The following ETS1 variants were observed in gnomAD, a reference collection of about 807,000 sequenced individuals.
ETS1 encodes the protein protein C-ets-1.
A neutral mutation model predicts 58.6 loss-of-function variants in ETS1; 15 were observed. The observed-to-expected ratio is 0.26, with a 90% CI of 0.17 to 0.39. The LOEUF (loss-of-function observed/expected upper bound fraction) is 0.39, where lower values mean the gene tolerates loss of function less well. Among genes scored for constraint, ETS1 ranks in the 10% least tolerant of loss-of-function variants. The pLI, the probability that ETS1 is intolerant of heterozygous loss-of-function variation, is 1.00. For synonymous variants in ETS1, 214 were observed against 218.2 expected (o/e 0.98, Z 0.17); for missense variants, 417 against 610.5 (o/e 0.68, Z 3.34).
intron 1 of ETS1, among the ~76,000 whole-genome samples, chr11:128,582,648 A>G (rs978005785): frequency 1.8e-4 from 28 of 152,180 alleles, no homozygotes; most frequent in Non-Finnish European, 3.7e-4. Flanking sequence ...TCATAATCAT[A>G]GGTTGAGTAG....
rs1864244169 is a variant in ETS1, at chr11:128,552,407, C to T, written c.214+3884G>A. 1.3e-5 allele frequency among the ~76,000 whole-genome samples: 2 copies of T among 152,158 alleles called. 1 individual carries two copies. The highest frequency in any genetic ancestry group is 4.1e-4 in the South Asian group (2 of 4,828). On this transcript the variant is annotated intron_variant, in intron 3 of 9. Transcript: ENST00000392668. The stretch of plus-strand genomic sequence containing the variant: ...GTATTGTCTTGTTTCTCAAATCAAT[C>T]AAAGACCATGGTAATAAGACTATAG...
intron 3 of ETS1, among the ~76,000 whole-genome samples, chr11:128,493,712 A>T (rs1305508505): frequency 6.6e-6 from 1 of 152,226 alleles, no homozygotes; most frequent in African/African-American, 2.4e-5. Context: ...TTAAAAAGAA[A>T]AAAAAAGTCA....
intron 3 of ETS1, among the ~76,000 whole-genome samples, chr11:128,552,002 A>C (rs907977335): frequency 6.6e-6 from 1 of 152,148 alleles, no homozygotes; most frequent in African/African-American, 2.4e-5. Context: ...GTGTCTTAAC[A>C]AACCCTAAAG....
At chr11:128,479,876 T>C (rs1437318432) in intron 8 of ETS1, among the ~76,000 whole-genome samples, 4 of 151,726 alleles carry the variant, frequency 2.6e-5, no homozygotes, top group Non-Finnish European at 2.9e-5. Context: ...GGCCACTAGA[T>C]AGAGTTTCCA....
intron 1 of ETS1, among the ~76,000 whole-genome samples, chr11:128,580,176 TAAA>T (rs140049360): frequency 0.041 from 4,177 of 102,358 alleles, 99 homozygotes; most frequent in Non-Finnish European, 0.054. Context: ...GTTTGGACAT[TAAA>T]AAAAAAAAAA....
At chr11:128,541,792 C>T (rs1363426673) in intron 3 of ETS1, among the ~76,000 whole-genome samples, 1 of 152,164 alleles carries the variant, frequency 6.6e-6, no homozygotes, top group African/African-American at 2.4e-5. Context: ...CCCCTGACCT[C>T]AAGCTGTATA....
chr11:128,497,665 G>A, intron 3 of ETS1: 1 of 807,970 alleles, frequency 1.2e-6, no homozygotes, highest in Non-Finnish European at 1.5e-6. Flanking sequence ...GGCAGCGCCG[G>A]AGTTCAGACC....
At chr11:128,573,036 G>T (rs200526651) in intron 2 of ETS1, 26 bp downstream of exon 2, 647 of 1,582,992 alleles carry the variant, frequency 4.1e-4, no homozygotes, top group Non-Finnish European at 5.1e-4. Context: ...TGTGGGCAAA[G>T]GGGCAGGGAA....
chr11:128,512,725 G>A lies in ETS1; in HGVS notation c.215-22149C>T, dbSNP rs1863423440. ...GGCCTTTCCCTCTGTGCAAACAGCA[G>A]GCCAGGGCCCTGACTTACTGGGCCT... On this transcript the variant is annotated intron_variant, in intron 3 of 9. Coordinates refer to ENST00000392668, the MANE Select transcript of ETS1 (RefSeq NM_001143820.2). 2.0e-5 allele frequency among the ~76,000 whole-genome samples: 3 copies of A among 152,264 alleles called. No homozygotes were observed. In the South Asian group the frequency reaches 6.2e-4, roughly 32 times the overall value.
chr11:128,517,636 G>C (rs919912120), intron 3 of ETS1, among the ~76,000 whole-genome samples: 1 of 152,168 alleles, frequency 6.6e-6, no homozygotes, highest in Non-Finnish European at 1.5e-5. Flanking sequence ...ACAAACCAGA[G>C]AGACATCTGT....
chr11:128,490,885 G>GT lies in ETS1; in HGVS notation c.215-310dup, dbSNP rs572835763. On this transcript the variant is annotated intron_variant, in intron 3 of 9. Transcript: ENST00000392668. ...AGGCATGTGCCACCATGCCCAGCTA[G>GT]TTTTTTTTATTTTTAGGAGAGACAG... Among the ~76,000 whole-genome samples, 268 of 151,662 alleles carry GT rather than the reference G, an allele frequency of 1.8e-3. 2 individuals carry two copies. The highest frequency in any genetic ancestry group is 3.4e-3 in the Middle Eastern group (1 of 294).
chr11:128,488,844 T>C (rs891166033), intron 5 of ETS1, among the ~76,000 whole-genome samples: 2 of 152,208 alleles, frequency 1.3e-5, no homozygotes, highest in African/African-American at 2.4e-5. Flanking sequence ...GTCTTATTAA[T>C]ACGGTCTCAG....
chr11:128,495,164 C>T (rs1405539587), intron 3 of ETS1, among the ~76,000 whole-genome samples: 1 of 152,190 alleles, frequency 6.6e-6, no homozygotes, highest in Non-Finnish European at 1.5e-5. Context: ...AGATCAAGAG[C>T]TTGACCTAAA....
chr11:128,522,457 A>G (rs972596227), intron 3 of ETS1: 1 of 597,322 alleles, frequency 1.7e-6, no homozygotes, highest in South Asian at 7.3e-5. Context: ...GCGTCGGGGC[A>G]GGGCGGGGAG....
chr11:128,511,080 C>T (rs535512084), intron 3 of ETS1, among the ~76,000 whole-genome samples: 152 of 152,156 alleles, frequency 1.0e-3, no homozygotes, highest in Non-Finnish European at 1.9e-3. Flanking sequence ...CTCTGTATGC[C>T]TCCTTGGTAC....
At chr11:128,520,433 T>G (rs1229365994) in intron 3 of ETS1, among the ~76,000 whole-genome samples, 1 of 152,236 alleles carries the variant, frequency 6.6e-6, no homozygotes, top group Non-Finnish European at 1.5e-5. Flanking sequence ...AAGCTGTTCT[T>G]AAGGAAAGGA....
intron 8 of ETS1, among the ~76,000 whole-genome samples, chr11:128,468,297 G>A (rs576815503): frequency 2.9e-4 from 44 of 152,210 alleles, no homozygotes; most frequent in Non-Finnish European, 5.0e-4. Context: ...CTGTCTCAAT[G>A]AGGAGCTGGT....
chr11:128,462,220 A>G lies in ETS1; in HGVS notation c.*141T>C. On this transcript the variant is annotated 3_prime_UTR_variant, in exon 10 of 10. Coordinates refer to ENST00000392668, the MANE Select transcript of ETS1 (RefSeq NM_001143820.2). ...CTGCGCACAATTGATTACAGCTGCA[A>G]CTGACTTAGCTCCCACCCCTGAAGG... 1 of 655,244 alleles carries G rather than the reference A, an allele frequency of 1.5e-6. No homozygotes were observed. The highest frequency in any genetic ancestry group is 2.6e-6 in the Non-Finnish European group (1 of 385,718). 40.6% of individuals were successfully genotyped at this position (655,244 alleles called of 1,614,324 possible).
At position 128,477,517 on chromosome 11, in the gene ETS1, C is replaced by G. The variant is rs567672239; in HGVS notation, c.1123+2674G>C. Reference sequence around the variant, plus strand: ...TCATCCGCTTCCCTATTCCCTAGGACGCATCTTAAATGAGGTTGGCGGGGG... The same window carrying G: ...TCATCCGCTTCCCTATTCCCTAGGAGGCATCTTAAATGAGGTTGGCGGGGG... On this transcript the variant is annotated intron_variant, in intron 8 of 9. Transcript: ENST00000392668. Among the ~76,000 whole-genome samples the G allele has an allele frequency of 3.3e-5, 5 of 152,168 alleles. No individual in the cohort carries two copies. In the East Asian group the frequency reaches 9.7e-4, roughly 29 times the overall value.
Sources: allele counts gnomAD v4.1 joint callset (sites outside exome capture counted in the v4.1 genomes callset), GRCh38; gene constraint gnomAD v4.1.1; transcripts MANE v1.5; gene names NCBI Gene and HGNC (gene_info 2026-07-23, HGNC 2026-07-21).